The following TMEM59 variants were observed in gnomAD, a reference collection of about 807,000 sequenced individuals.
TMEM59 encodes the protein dendritic cell factor 1.
In TMEM59, 44 loss-of-function variants were observed where a neutral mutation model predicts 42.2. The ratio of observed to expected loss-of-function variants is 1.04; its 90% CI spans 0.82 to 1.34. The LOEUF (loss-of-function observed/expected upper bound fraction) is 1.34, where lower values mean the gene tolerates loss of function less well. TMEM59 is among the 40% of genes most tolerant of loss of function. The pLI, the probability that TMEM59 is intolerant of heterozygous loss-of-function variation, is 0.00. For synonymous variants in TMEM59, 148 were observed against 145.8 expected, an observed-to-expected ratio of 1.02 and a Z score of -0.11; for missense variants, 359 against 382.8, an observed-to-expected ratio of 0.94 and a Z score of 0.52.
rs1319357731 is a variant in TMEM59 at position 54,027,688 on chromosome 1, G to C, written c.*4462C>G. The C allele has an allele frequency of 6.6e-6, 1 of 151,930 alleles. No homozygotes were observed. Among genetic ancestry groups the C allele is most frequent in the African/African-American group, 2.4e-5 (1 of 41,284 alleles). 9.4% of individuals were successfully genotyped at this position (151,930 alleles called of 1,614,324 possible). A position where few individuals can be genotyped will look rare whatever the true frequency, so the allele number is the denominator to read the frequency against. ...GGAGGCTGAGGCACGAGAATCGCTT[G>C]AACCTGGGAGCTGTGGAGGTTGCAG... On this transcript the variant is annotated 3_prime_UTR_variant, in exon 8 of 8. Transcript: ENST00000234831.
In TMEM59 at chr1:54,029,430, A is replaced by G. The variant is rs181327816; in HGVS notation, c.*2720T>C. ...CTGGGAGGTTTGAACCAGAGACCCA[A>G]CGGTCTTGAGAATTTGCCTAGGACC... is the stretch of plus-strand genomic sequence containing the variant. On this transcript the variant is annotated 3_prime_UTR_variant, in exon 8 of 8. Coordinates refer to ENST00000234831, the MANE Select transcript of TMEM59 (RefSeq NM_004872.5). 1.5e-4 allele frequency: 23 copies of G among 152,314 alleles called. No individual in the cohort carries two copies. The highest frequency in any genetic ancestry group is 5.3e-4 in the African/African-American group (22 of 41,572). The allele number at this position is 152,314 out of a possible 1,614,324, so 9.4% of individuals were successfully genotyped here.
chr1:54,035,197 T>C lies in TMEM59; in HGVS notation c.816+1413A>G, dbSNP rs368140130. 1.2e-4 allele frequency among the ~76,000 whole-genome samples: 19 copies of C among 152,346 alleles called. No individual in the cohort carries two copies. In the South Asian group the frequency reaches 3.3e-3, roughly 27 times the overall value. ...AATATTAAGTGTAATATTATCTTAATCATTTTTCATGTGCAAATCATATAT... is the reference window on the plus strand; with the variant it reads ...AATATTAAGTGTAATATTATCTTAACCATTTTTCATGTGCAAATCATATAT... On this transcript the variant is annotated intron_variant, in intron 7 of 7. Transcript: ENST00000234831.
rs1557682734 is a variant in TMEM59, at chr1:54,053,002, T to C, written c.187A>G (p.Lys63Glu). The C allele has an allele frequency of 6.2e-7, 1 of 1,612,460 alleles. No individual in the cohort carries two copies. Among genetic ancestry groups the C allele is most frequent in the East Asian group, 2.2e-5 (1 of 44,770 alleles). ...AGCCCGCTCCGGACGGGCCCTACCT[T>C]AGGGTAGGTGTGCAAGGGGTAGGTC... is the stretch of plus-strand genomic sequence containing the variant. ...QLTYPLHTYP[K>E]EEELYACQRG... Residue 63 changes from lysine (K) to glutamate (E), a missense_variant and splice_region_variant, in exon 1 of 8, where the codon AAG (lysine) becomes GAG (glutamate). Transcript: ENST00000234831.
intron 5 of TMEM59, 77 bp from the exon 6 acceptor site, chr1:54,040,914 T>G: frequency 2.7e-6 from 3 of 1,111,138 alleles, no homozygotes; most frequent in Non-Finnish European, 4.1e-6. Context: ...TCTAGATATA[T>G]ACACTTTACA....
intron 1 of TMEM59, chr1:54,048,548 T>C: frequency 3.6e-6 from 1 of 280,680 alleles, no homozygotes. Flanking sequence ...TACTGTAAAA[T>C]ATTAACTGCT....
intron 2 of TMEM59, among the ~76,000 whole-genome samples, chr1:54,046,970 G>C (rs913053174): frequency 1.3e-5 from 2 of 152,190 alleles, no homozygotes; most frequent in African/African-American, 4.8e-5. Flanking sequence ...CTGTGAAAAG[G>C]TAGTAATGAA....
upstream of TMEM59, chr1:54,053,283 G>T (rs571261193): frequency 1.4e-6 from 2 of 1,467,236 alleles, no homozygotes; most frequent in Non-Finnish European, 1.8e-6. Context: ...CCGCCCCACC[G>T]ACCGTTGCTT....
chr1:54,041,522 A>G (rs34028311), intron 5 of TMEM59, among the ~76,000 whole-genome samples: 44,097 of 152,120 alleles, frequency 0.29, 6,967 homozygotes, highest in Admixed American at 0.43. Context: ...AGACCTAGTA[A>G]ATTAGAAACT....
chr1:54,039,384 A>G (rs1306202342), intron 6 of TMEM59, among the ~76,000 whole-genome samples: 4 of 152,222 alleles, frequency 2.6e-5, no homozygotes, highest in Non-Finnish European at 4.4e-5. Flanking sequence ...TTAAGATTAA[A>G]TAATTATTTA....
chr1:54,052,231 A>G (rs1657568266), intron 1 of TMEM59, among the ~76,000 whole-genome samples: 1 of 152,114 alleles, frequency 6.6e-6, no homozygotes, highest in South Asian at 2.1e-4. Context: ...CAACGTGAAG[A>G]GGGTTAGGTA....
rs940387164 is a variant in TMEM59, at chr1:54,029,300, C to T, written c.*2850G>A. 3 of 152,150 alleles carry T rather than the reference C, an allele frequency of 2.0e-5. No individual in the cohort carries two copies. Among genetic ancestry groups the T allele is most frequent in the Non-Finnish European group, 2.9e-5 (2 of 68,020 alleles). 9.4% of individuals were successfully genotyped at this position (152,150 alleles called of 1,614,324 possible). ...TGAAGTTTTGTGAGAAAACTTGGAA[C>T]CTAGGCCCAGATCATTCATTATGGT... On this transcript the variant is annotated 3_prime_UTR_variant, in exon 8 of 8. Coordinates refer to ENST00000234831, the MANE Select transcript of TMEM59 (RefSeq NM_004872.5).
intron 3 of TMEM59, chr1:54,044,626 A>C (rs1657266484): frequency 6.7e-6 from 1 of 149,968 alleles, no homozygotes; most frequent in Non-Finnish European, 1.5e-5. Flanking sequence ...ATATAGTGAG[A>C]TCCTCATCTC....
chr1:54,043,434 A>ATACGG lies in TMEM59; in HGVS notation c.481_482insCCGTA (p.Phe161SerfsTer4). The ATACGG allele has an allele frequency of 6.3e-7, 1 of 1,584,334 alleles. No individual in the cohort carries two copies. The highest frequency in any genetic ancestry group is 8.6e-7 in the Non-Finnish European group (1 of 1,165,582). ...ATAAAAAGTCCATGAAGAGGTTATG[A>ATACGG]AGCTCTGTGCGGAGTCCATCATGTC... On this transcript the variant is annotated frameshift_variant, in exon 4 of 8. Transcript: ENST00000234831. LOFTEE classifies it high-confidence loss of function.
chr1:54,038,816 T>C (rs182477990), intron 6 of TMEM59, among the ~76,000 whole-genome samples: 62 of 152,146 alleles, frequency 4.1e-4, no homozygotes, highest in Non-Finnish European at 6.9e-4. Flanking sequence ...ATGGGATCAC[T>C]GAAGGGGAAA....
intron 3 of TMEM59, 98 bp from the exon 4 acceptor site, chr1:54,043,623 G>T: frequency 1.3e-6 from 1 of 779,034 alleles, no homozygotes; most frequent in Non-Finnish European, 1.7e-6. Context: ...ATTGGGACAG[G>T]ATACAAACAA....
At chr1:54,046,134 G>A (rs1488360078) in intron 2 of TMEM59, among the ~76,000 whole-genome samples, 1 of 152,180 alleles carries the variant, frequency 6.6e-6, no homozygotes, top group African/African-American at 2.4e-5. Flanking sequence ...GTTGGTGTGT[G>A]TGACCTGAGC....
intron 1 of TMEM59, chr1:54,048,804 T>A (rs575178329): frequency 3.3e-5 from 8 of 245,394 alleles, no homozygotes; most frequent in Middle Eastern, 4.5e-4. Context: ...CAAGAAGAGA[T>A]GCCTGCAGTC....
chr1:54,032,372 A>G (rs979978982), intron 7 of TMEM59, 67 bp from the exon 8 acceptor site: 8 of 1,331,808 alleles, frequency 6.0e-6, no homozygotes, highest in Non-Finnish European at 7.9e-6. Flanking sequence ...TTAGTCTTTA[A>G]ATAACAATTT....
intron 6 of TMEM59, among the ~76,000 whole-genome samples, chr1:54,038,091 T>C (rs1041589295): frequency 6.6e-6 from 1 of 152,204 alleles, no homozygotes; most frequent in Non-Finnish European, 1.5e-5. Flanking sequence ...TTCTCCAACC[T>C]GGTCCTCTAA....
Sources: allele counts gnomAD v4.1 joint callset (sites outside exome capture counted in the v4.1 genomes callset), GRCh38; gene constraint gnomAD v4.1.1; transcripts MANE v1.5; gene names NCBI Gene and HGNC (gene_info 2026-07-23, HGNC 2026-07-21).